The following HDAC3 variants were observed in gnomAD, a reference collection of about 807,000 sequenced individuals.
HDAC3 encodes the protein SMAP45.
In HDAC3, 21 loss-of-function variants were observed where a neutral mutation model predicts 62.3. That is an observed-to-expected ratio of 0.34 (90% CI 0.24 to 0.49). HDAC3 has a LOEUF of 0.49. Among genes scored for constraint, HDAC3 ranks in the 20% least tolerant of loss-of-function variants. The pLI, the probability that HDAC3 is intolerant of heterozygous loss-of-function variation, is 0.99. For missense variants in HDAC3, 270 were observed against 556.9 expected (o/e 0.48, Z 5.19); for synonymous variants, 198 against 206.5 (o/e 0.96, Z 0.35).
intron 3 of HDAC3, 47 bp from the exon 4 acceptor site, chr5:141,630,172 C>T: frequency 1.9e-6 from 3 of 1,552,302 alleles, no homozygotes; most frequent in Non-Finnish European, 2.7e-6. Flanking sequence ...TCTGTCTGGG[C>T]CCTTCCCATA....
intron 14 of HDAC3, among the ~76,000 whole-genome samples, chr5:141,623,828 G>A (rs1302890613): frequency 6.6e-6 from 1 of 152,062 alleles, no homozygotes; most frequent in Non-Finnish European, 1.5e-5. Flanking sequence ...AAGACAGCGT[G>A]TCCCACAAGT....
chr5:141,636,199 C>T (rs2099905970), intron 2 of HDAC3: 2 of 298,002 alleles, frequency 6.7e-6, no homozygotes, highest in Non-Finnish European at 1.3e-5. Flanking sequence ...CAGTGATATC[C>T]GCTCCCCTAA....
At chr5:141,631,383 G>A (rs1273548023) in intron 3 of HDAC3, among the ~76,000 whole-genome samples, 1 of 152,152 alleles carries the variant, frequency 6.6e-6, no homozygotes, top group Non-Finnish European at 1.5e-5. Flanking sequence ...TAATGCAATT[G>A]TCAGCTCCAG....
rs2099903681 is a variant in HDAC3 at position 141,621,384 on chromosome 5, G to A, written c.*84C>T. The A allele has an allele frequency of 2.3e-6, 3 of 1,280,500 alleles. No individual in the cohort carries two copies. In the African/African-American group the frequency reaches 4.4e-5, roughly 19 times the overall value. 79.3% of individuals were successfully genotyped at this position (1,280,500 alleles called of 1,614,324 possible). A position where few individuals can be genotyped will look rare whatever the true frequency, so the allele number is the denominator to read the frequency against. On this transcript the variant is annotated 3_prime_UTR_variant, in exon 15 of 15. Transcript: ENST00000305264. ...AGCAAAAGCCCTGGGGTGACCCCCA[G>A]GACTCTAGGAGCCACTCCTTTTCCC...
Position 141,625,230 on chromosome 5 carries a change from C to A in HDAC3, c.1195G>T (p.Gly399Cys). 1.9e-6 allele frequency: 3 copies of A among 1,613,258 alleles called. No homozygotes were observed. The highest frequency in any genetic ancestry group is 2.5e-6 in the Non-Finnish European group (3 of 1,179,878). The change falls in exon 14 of 15, where the codon GGT (glycine) becomes TGT (cysteine). Residue 399 changes from glycine (G) to cysteine (C), a missense_variant. Gly to Cys is a radical substitution (Grantham distance 159). Around this residue, in one of 5 missense-constraint regions of HDAC3, gnomAD observed 44 missense variants for 64.3 expected, o/e 0.68. Transcript: ENST00000305264. The surrounding 1 kb of genome is among the most constrained non-coding windows in gnomAD (Gnocchi z 4.0). ...GACCTGCTATAGTTCTCCTCAGGACCCCTCTCCTCTGCATCAGCCTCATCA... is the reference window on the plus strand; with the variant it reads ...GACCTGCTATAGTTCTCCTCAGGACACCTCTCCTCTGCATCAGCCTCATCA... The part of the protein sequence containing the change: ...RTDEADAEER[G>C]PEENYSRPEA...
Position 141,621,334 on chromosome 5 carries a change from G to A in HDAC3, c.*134C>T. ...GGTAGATGGTTCGAGAACCAAATGT[G>A]GTCTCCAGACTCTTTCCCAGAGTCA... On this transcript the variant is annotated 3_prime_UTR_variant, in exon 15 of 15. Transcript: ENST00000305264. 1 of 746,504 alleles carries A rather than the reference G, an allele frequency of 1.3e-6. No homozygotes were observed. Among genetic ancestry groups the A allele is most frequent in the East Asian group, 2.6e-5 (1 of 39,134 alleles). The allele number at this position is 746,504 out of a possible 1,614,324, so 46.2% of individuals were successfully genotyped here.
chr5:141,633,907 C>T (rs897247147), intron 3 of HDAC3, among the ~76,000 whole-genome samples: 6 of 151,344 alleles, frequency 4.0e-5, no homozygotes, highest in African/African-American at 1.5e-4. Context: ...GAGGTCACTG[C>T]ACTACTTCAC....
rs923311386 is a variant in HDAC3, at chr5:141,629,374, G to T, written c.477-68C>A. The T allele has an allele frequency of 1.2e-6, 2 of 1,602,826 alleles. No homozygotes were observed. Among genetic ancestry groups the T allele is most frequent in the East Asian group, 2.2e-5 (1 of 44,784 alleles). On this transcript the variant is annotated intron_variant, in intron 6 of 14. Transcript: ENST00000305264. This position sits in a 1 kb window ranked among gnomAD's most constrained non-coding sequence, Gnocchi z 5.3. ...CCCCAACCCACTCCTCTCAAACACC[G>T]GGTCTCGAATTGTGAAGAGTCTGCT...
At position 141,634,961 on chromosome 5, in the gene HDAC3, T is replaced by C; in HGVS notation, c.139-8A>G. 6.2e-7 allele frequency: 1 copy of C among 1,613,342 alleles called. No homozygotes were observed. The highest frequency in any genetic ancestry group is 1.1e-5 in the South Asian group (1 of 91,024). On this transcript the variant is annotated splice_polypyrimidine_tract_variant and splice_region_variant and intron_variant, in intron 2 of 14. Coordinates refer to ENST00000305264, the MANE Select transcript of HDAC3 (RefSeq NM_003883.4). ...CTGGTATGGCTTGAAGACCTCGGGA[T>C]GGAGACACAAGATGAACCCAGGCAG...
chr5:141,625,180 A>G lies in HDAC3; in HGVS notation c.1217+28T>C, dbSNP rs1377076609. On this transcript the variant is annotated intron_variant, in intron 14 of 14. Coordinates refer to ENST00000305264, the MANE Select transcript of HDAC3 (RefSeq NM_003883.4). This position sits in a 1 kb window ranked among gnomAD's most constrained non-coding sequence, Gnocchi z 4.0. The stretch of plus-strand genomic sequence containing the variant: ...TAAACCTCCCCAGCAAGCCTATTGA[A>G]AGTAGGCTGAAGTCCCTGCTCCCAG... 2 of 1,575,852 alleles carry G rather than the reference A, an allele frequency of 1.3e-6. No homozygotes were observed. Among genetic ancestry groups the G allele is most frequent in the Non-Finnish European group, 1.7e-6 (2 of 1,165,926 alleles).
In HDAC3 at chr5:141,629,870, T is replaced by C; in HGVS notation, c.410A>G (p.Lys137Arg). 1.9e-6 allele frequency: 3 copies of C among 1,614,210 alleles called. No homozygotes were observed. Among genetic ancestry groups the C allele is most frequent in the Non-Finnish European group, 2.5e-6 (3 of 1,180,038 alleles). Residue 137 changes from lysine (K) to arginine (R), a missense_variant, in exon 5 of 15, where the codon AAG becomes AGG. This residue lies in a region of HDAC3 where 156 missense variants were observed against 383.9 expected (regional missense o/e 0.41). Transcript: ENST00000305264. The surrounding 1 kb of genome is among the most constrained non-coding windows in gnomAD (Gnocchi z 5.3). ...CACCTCCTCACTCACCTCAAACTTC[T>C]TGGCATGGTGCAGACCACCAGCCCA... ...INWAGGLHHA[K>R]KFEASGFCYV...
chr5:141,632,937 T>A (rs2099905438), intron 3 of HDAC3, among the ~76,000 whole-genome samples: 1 of 152,146 alleles, frequency 6.6e-6, no homozygotes, highest in African/African-American at 2.4e-5. Context: ...GGAAAACAGA[T>A]TAGTGGTTTA....
intron 14 of HDAC3, 72 bp from the exon 15 acceptor site, chr5:141,621,609 GC>G: frequency 3.0e-6 from 4 of 1,335,046 alleles, no homozygotes; most frequent in Non-Finnish European, 4.3e-6. Flanking sequence ...CTTTTCCAAA[GC>G]CATTTCTCAG....
chr5:141,625,815 A>G lies in HDAC3; in HGVS notation c.980-51T>C, dbSNP rs1235714108. ...GCTCAGACTGAGAAAGGCAGCTAACAAGACTTCCCAATCTTTTTCCTTCCC... is the reference window on the plus strand; with the variant it reads ...GCTCAGACTGAGAAAGGCAGCTAACGAGACTTCCCAATCTTTTTCCTTCCC... On this transcript the variant is annotated intron_variant, in intron 12 of 14. Transcript: ENST00000305264. This position sits in a 1 kb window ranked among gnomAD's most constrained non-coding sequence, Gnocchi z 4.0. 5 of 1,535,118 alleles carry G rather than the reference A, an allele frequency of 3.3e-6. No homozygotes were observed. The highest frequency in any genetic ancestry group is 4.5e-5 in the East Asian group (2 of 44,522).
At position 141,626,350 on chromosome 5, in the gene HDAC3, A is replaced by G; in HGVS notation, c.831-67T>C. The G allele has an allele frequency of 8.4e-7, 1 of 1,187,644 alleles. No individual in the cohort carries two copies. Among genetic ancestry groups the G allele is most frequent in the Non-Finnish European group, 1.2e-6 (1 of 801,486 alleles). 73.6% of individuals were successfully genotyped at this position (1,187,644 alleles called of 1,614,324 possible). The stretch of plus-strand genomic sequence containing the variant: ...AAAGACAAGGTAAATACCTTTAGGT[A>G]TTGCCTGAAAGGAGCACAAGAAAAC... On this transcript the variant is annotated intron_variant, in intron 10 of 14. Coordinates refer to ENST00000305264, the MANE Select transcript of HDAC3 (RefSeq NM_003883.4). This position sits in a 1 kb window ranked among gnomAD's most constrained non-coding sequence, Gnocchi z 4.6.
chr5:141,633,812 TGA>T (rs1434980479), intron 3 of HDAC3, among the ~76,000 whole-genome samples: 1 of 119,160 alleles, frequency 8.4e-6, no homozygotes, highest in African/African-American at 3.5e-5. Flanking sequence ...GGCTACAGAG[TGA>T]GACTCTGTCT....
At position 141,625,745 on chromosome 5, in the gene HDAC3, G is replaced by A. The variant is rs890976922; in HGVS notation, c.999C>T (p.Ala333=). The change falls in exon 13 of 15, where the codon GCC becomes GCT. Residue 333 remains alanine (A), a synonymous_variant. Transcript: ENST00000305264. This position sits in a 1 kb window ranked among gnomAD's most constrained non-coding sequence, Gnocchi z 4.0. ...CATCTGGATGAAGTGTGAAGTCTGGGGCAAAGTACTCGAAGTATTCTTGGG... is the reference window on the plus strand; with the variant it reads ...CATCTGGATGAAGTGTGAAGTCTGGAGCAAAGTACTCGAAGTATTCTTGGG... ...LPYSEYFEYF[A]PDFTLHPDVS... 6.2e-7 allele frequency: 1 copy of A among 1,613,974 alleles called. No homozygotes were observed. Among genetic ancestry groups the A allele is most frequent in the African/African-American group, 1.3e-5 (1 of 74,866 alleles).
intron 10 of HDAC3, among the ~76,000 whole-genome samples, chr5:141,627,637 C>T (rs1238793119): frequency 6.6e-6 from 1 of 152,076 alleles, no homozygotes; most frequent in Non-Finnish European, 1.5e-5. Context: ...CTGTAAACTC[C>T]ATGGGAGACT....
In HDAC3 at chr5:141,628,674, G is replaced by A; in HGVS notation, c.611-35C>T. 1 of 1,544,174 alleles carries A rather than the reference G, an allele frequency of 6.5e-7. No individual in the cohort carries two copies. Among genetic ancestry groups the A allele is most frequent in the Non-Finnish European group, 8.9e-7 (1 of 1,117,798 alleles). ...AGTGGGTGGTGGTAGCCACACATGG[G>A]AAGCACCCACAACCCAGCTGTTTCA... On this transcript the variant is annotated intron_variant, in intron 7 of 14. Transcript: ENST00000305264. The surrounding 1 kb of genome is among the most constrained non-coding windows in gnomAD (Gnocchi z 4.7).
Sources: allele counts gnomAD v4.1 joint callset (sites outside exome capture counted in the v4.1 genomes callset), GRCh38; gene constraint gnomAD v4.1.1; regional missense constraint gnomAD v4.1.1; non-coding constraint Gnocchi (gnomAD v3.1); transcripts MANE v1.5; gene names NCBI Gene and HGNC (gene_info 2026-07-23, HGNC 2026-07-21).